Variants in LRRTM4 observed in about 807,000 individuals in gnomAD.
The protein encoded by LRRTM4 is leucine-rich repeat transmembrane neuronal protein 4.
LRRTM4 carries 25 observed loss-of-function variants against 47.6 expected under a neutral mutation model. The ratio of observed to expected loss-of-function variants is 0.53; its 90% CI spans 0.38 to 0.73. The LOEUF (loss-of-function observed/expected upper bound fraction) is 0.73, where lower values mean the gene tolerates loss of function less well. Among genes scored for constraint, LRRTM4 ranks in the 30% least tolerant of loss-of-function variants. The pLI, the probability that LRRTM4 is intolerant of heterozygous loss-of-function variation, is 0.00. For synonymous variants in LRRTM4, 311 were observed against 269.5 expected, an observed-to-expected ratio of 1.15 and a Z score of -1.51; for missense variants, 638 against 713.4, an observed-to-expected ratio of 0.89 and a Z score of 1.20.
At chr2:77,072,811 A>AAAAG (rs1680201801) in intron 3 of LRRTM4, among the ~76,000 whole-genome samples, 1 of 151,256 alleles carries the variant, frequency 6.6e-6, no homozygotes, top group Non-Finnish European at 1.5e-5. Flanking sequence ...AAAAAAAAAA[A>AAAAG]AAAAAAAAAA....
chr2:76,873,533 T>TATATGTATATATATATAG (rs1174673622), intron 3 of LRRTM4, among the ~76,000 whole-genome samples: 1 of 145,190 alleles, frequency 6.9e-6, no homozygotes, highest in Non-Finnish European at 1.5e-5. Flanking sequence ...TATATATATA[T>TATATGTATATATATATAG]ACAACATAGT....
At chr2:77,198,199 A>T (rs1317892250) in intron 3 of LRRTM4, among the ~76,000 whole-genome samples, 1 of 152,116 alleles carries the variant, frequency 6.6e-6, no homozygotes, top group Non-Finnish European at 1.5e-5. Context: ...CCTCCTATTC[A>T]CTGCCTCAGT....
intron 3 of LRRTM4, among the ~76,000 whole-genome samples, chr2:77,176,936 T>TA (rs1321950087): frequency 1.3e-5 from 2 of 152,116 alleles, no homozygotes; most frequent in Non-Finnish European, 2.9e-5. Context: ...AATACATTAA[T>TA]ATAATAAAGA....
intron 3 of LRRTM4, among the ~76,000 whole-genome samples, chr2:77,350,146 C>T (rs972725718): frequency 1.3e-5 from 2 of 149,876 alleles, no homozygotes; most frequent in African/African-American, 4.9e-5. Flanking sequence ...CAAGGTGAAA[C>T]CCCGTCTCTA....
rs70939837 is a variant in LRRTM4 at position 76,979,541 on chromosome 2, G to GTATATATATATATATATATATATATATA, written c.1552-230626_1552-230625insTATATATATATATATATATATATATATA. ...ATTCAGACTGCAAAACTGAATTTCT[G>GTATATATATATATATATATATATATATA]TATATATATATGCTCTTCCTCTATA... On this transcript the variant is annotated intron_variant, in intron 3 of 3. Coordinates refer to ENST00000409884, the MANE Select transcript of LRRTM4 (RefSeq NM_001134745.3). Among the ~76,000 whole-genome samples, 963 of 126,714 alleles carry GTATATATATATATATATATATATATATA rather than the reference G, an allele frequency of 7.6e-3. 56 individuals carry two copies. The highest frequency in any genetic ancestry group is 0.026 in the African/African-American group (747 of 29,082). 83.1% of individuals were successfully genotyped at this position (126,714 alleles called of 152,430 possible). A position where few individuals can be genotyped will look rare whatever the true frequency, so the allele number is the denominator to read the frequency against.
chr2:77,465,907 GGCACCTAGGTA>G lies in LRRTM4; in HGVS notation c.1551+52400_1551+52410del, dbSNP rs1224817636. On this transcript the variant is annotated intron_variant, in intron 3 of 3. Transcript: ENST00000409884. ...TACAGAAAAATACATACAGGGAGCT[GGCACCTAGGTA>G]ATGATAAAAGCAGCAGGCTTCTCAA... 7.9e-3 allele frequency among the ~76,000 whole-genome samples: 1,202 copies of G among 152,166 alleles called. 5 individuals carry two copies. The highest frequency in any genetic ancestry group is 0.012 in the Non-Finnish European group (787 of 67,988).
At chr2:77,030,310 T>G (rs1226297411) in intron 3 of LRRTM4, among the ~76,000 whole-genome samples, 1 of 152,156 alleles carries the variant, frequency 6.6e-6, no homozygotes, top group Non-Finnish European at 1.5e-5. Context: ...GGTATGTGCC[T>G]GTAGTCCCAG....
intron 3 of LRRTM4, among the ~76,000 whole-genome samples, chr2:76,986,942 G>A (rs1466162986): frequency 6.6e-6 from 1 of 151,804 alleles, no homozygotes; most frequent in African/African-American, 2.4e-5. Flanking sequence ...CAAATAACTA[G>A]GTAGCATAAA....
At chr2:77,087,907 ATG>A (rs1375329021) in intron 3 of LRRTM4, among the ~76,000 whole-genome samples, 1 of 152,224 alleles carries the variant, frequency 6.6e-6, no homozygotes, top group Non-Finnish European at 1.5e-5. Flanking sequence ...ATGCAAATAT[ATG>A]TCTTTGCCAA....
At position 77,096,212 on chromosome 2, in the gene LRRTM4, T is replaced by C. The variant is rs185472969; in HGVS notation, c.1552-347296A>G. The stretch of plus-strand genomic sequence containing the variant: ...TGACTAAAAATTGAGAACTGCAAAA[T>C]TGAAAATCAGAAGATTTCTCAAAGC... On this transcript the variant is annotated intron_variant, in intron 3 of 3. Transcript: ENST00000409884. Among the ~76,000 whole-genome samples, 158 of 151,784 alleles carry C rather than the reference T, an allele frequency of 1.0e-3. 3 individuals carry two copies. Among genetic ancestry groups the C allele is most frequent in the African/African-American group, 2.6e-3 (108 of 41,514 alleles).
At chr2:76,932,069 T>G (rs1316236989) in intron 3 of LRRTM4, among the ~76,000 whole-genome samples, 1 of 152,180 alleles carries the variant, frequency 6.6e-6, no homozygotes, top group Non-Finnish European at 1.5e-5. Flanking sequence ...TCCCATCTTC[T>G]GCCCTTTCAA....
At position 77,416,845 on chromosome 2, in the gene LRRTM4, A is replaced by T. The variant is rs937560820; in HGVS notation, c.1551+101473T>A. On this transcript the variant is annotated intron_variant, in intron 3 of 3. Transcript: ENST00000409884. Reference sequence around the variant, plus strand: ...GTCCAGTAAAATACTGTAATATTTTATTTTTTTAGGTCTATTTATAAAACA... The same window carrying T: ...GTCCAGTAAAATACTGTAATATTTTTTTTTTTTAGGTCTATTTATAAAACA... Among the ~76,000 whole-genome samples, 21 of 152,070 alleles carry T rather than the reference A, an allele frequency of 1.4e-4. 1 individual carries two copies. The highest frequency in any genetic ancestry group is 5.1e-4 in the African/African-American group (21 of 41,440).
chr2:76,871,682 T>C (rs913320295), intron 3 of LRRTM4, among the ~76,000 whole-genome samples: 5 of 152,200 alleles, frequency 3.3e-5, no homozygotes, highest in Non-Finnish European at 7.3e-5. Context: ...TACAGAATGA[T>C]GGGATGTAAC....
At chr2:76,781,550 A>C (rs1209907104) in intron 3 of LRRTM4, among the ~76,000 whole-genome samples, 3 of 151,206 alleles carry the variant, frequency 2.0e-5, no homozygotes, top group Non-Finnish European at 2.9e-5. Flanking sequence ...TCTTTGACTC[A>C]GAAAGGGAAC....
At chr2:77,237,936 A>T (rs1675149662) in intron 3 of LRRTM4, among the ~76,000 whole-genome samples, 1 of 152,240 alleles carries the variant, frequency 6.6e-6, no homozygotes. Flanking sequence ...GGTTCTTTAT[A>T]TATATACTCA....
At chr2:76,805,263 G>C (rs1207278191) in intron 3 of LRRTM4, among the ~76,000 whole-genome samples, 2 of 152,070 alleles carry the variant, frequency 1.3e-5, no homozygotes, top group African/African-American at 2.4e-5. Flanking sequence ...GAGATGGCCA[G>C]GGGAAAGGTA....
intron 3 of LRRTM4, among the ~76,000 whole-genome samples, chr2:77,299,258 TACACACAC>T (rs912276213): frequency 1.5e-5 from 1 of 67,270 alleles, no homozygotes; most frequent in Non-Finnish European, 3.3e-5. Flanking sequence ...TATATATATA[TACACACAC>T]ACACACACAC....
At chr2:76,968,340 G>GTGTATATATATA (rs1313372499) in intron 3 of LRRTM4, among the ~76,000 whole-genome samples, 1 of 76,644 alleles carries the variant, frequency 1.3e-5, no homozygotes, top group Non-Finnish European at 2.6e-5. Context: ...GTGTATGTGT[G>GTGTATATATATA]TATATATATA....
intron 3 of LRRTM4, among the ~76,000 whole-genome samples, chr2:77,272,001 C>G (rs1452165901): frequency 6.6e-6 from 1 of 151,820 alleles, no homozygotes; most frequent in African/African-American, 2.4e-5. Context: ...CCCAAAATGT[C>G]CTATCCCTTT....
Sources: gnomAD v4.1 joint callset for allele counts (sites outside exome capture counted in the v4.1 genomes callset) on GRCh38, gnomAD v4.1.1 for gene constraint, MANE v1.5 for transcripts, NCBI Gene and HGNC (gene_info 2026-07-23, HGNC 2026-07-21) for gene names.